The following IHO1 variants were observed in gnomAD, a reference collection of about 807,000 sequenced individuals.
The protein encoded by IHO1 is interactor of HORMAD1 protein 1.
IHO1 carries 13 observed loss-of-function variants against 31.0 expected under a neutral mutation model. That is an observed-to-expected ratio of 0.42 (90% CI 0.27 to 0.67). IHO1 has a LOEUF of 0.67. IHO1 is among the 30% of genes least tolerant of loss of function. The pLI is 0.24. For synonymous variants in IHO1, 221 were observed against 248.4 expected, an observed-to-expected ratio of 0.89 and a Z score of 1.04; for missense variants, 599 against 687.5, an observed-to-expected ratio of 0.87 and a Z score of 1.44.
intron 7 of IHO1, 124 bp downstream of exon 7, chr3:49,255,617 T>C: frequency 1.8e-6 from 1 of 551,746 alleles, no homozygotes; most frequent in Non-Finnish European, 3.1e-6. Context: ...TGGTGCAATC[T>C]CAGTTCACTG....
At chr3:49,222,517 G>A (rs148494063) in intron 2 of IHO1, among the ~76,000 whole-genome samples, 54 of 152,190 alleles carry the variant, frequency 3.5e-4, no homozygotes, top group Non-Finnish European at 5.6e-4. Flanking sequence ...TAGAAAAAAG[G>A]TTGATGTGAT....
At chr3:49,241,629 A>ATT (rs5848865) in intron 4 of IHO1, among the ~76,000 whole-genome samples, 16 of 146,974 alleles carry the variant, frequency 1.1e-4, no homozygotes, top group Non-Finnish European at 1.5e-4. Flanking sequence ...TTATAGATTG[A>ATT]TTTTTTTTTT....
upstream of IHO1, among the ~76,000 whole-genome samples, chr3:49,195,176 T>C (rs1188755632): frequency 2.0e-5 from 3 of 152,144 alleles, no homozygotes; most frequent in Non-Finnish European, 4.4e-5. Flanking sequence ...TCCCAGCACT[T>C]TGGGAGGCCG....
chr3:49,238,936 A>G (rs2046592510), intron 3 of IHO1, among the ~76,000 whole-genome samples: 1 of 152,156 alleles, frequency 6.6e-6, no homozygotes, highest in Non-Finnish European at 1.5e-5. Context: ...AGTGTTATCA[A>G]AGCCCTGCCA....
intron 1 of IHO1, among the ~76,000 whole-genome samples, chr3:49,209,211 G>A (rs533058925): frequency 6.6e-6 from 1 of 152,130 alleles, no homozygotes; most frequent in Non-Finnish European, 1.5e-5. Context: ...CAACATTAAG[G>A]GGGGAGTTTG....
At chr3:49,214,632 A>ATTTTTTTTT (rs3083884) in intron 2 of IHO1, among the ~76,000 whole-genome samples, 7 of 5,190 alleles carry the variant, frequency 1.3e-3, no homozygotes, top group Non-Finnish European at 1.6e-3. Context: ...ATATATATAT[A>ATTTTTTTTT]TTTTTTTTTT....
upstream of IHO1, among the ~76,000 whole-genome samples, chr3:49,194,203 G>A (rs181849216): frequency 1.3e-4 from 20 of 149,330 alleles, no homozygotes; most frequent in Admixed American, 1.3e-3. Flanking sequence ...AGGAGGCAGA[G>A]GTTGCAGTGA....
intron 2 of IHO1, among the ~76,000 whole-genome samples, chr3:49,224,192 C>T (rs976589628): frequency 1.3e-5 from 2 of 152,330 alleles, no homozygotes; most frequent in Admixed American, 1.3e-4. Flanking sequence ...CCATGAAAGT[C>T]CCCATTCTGT....
At chr3:49,255,295 T>C in intron 6 of IHO1, 95 bp from the exon 7 acceptor site, 1 of 810,674 alleles carries the variant, frequency 1.2e-6, no homozygotes, top group South Asian at 1.8e-5. Flanking sequence ...TGCATCCAGC[T>C]CCTCCCTTTT....
At chr3:49,253,828 C>CT (rs139087366) in intron 6 of IHO1, among the ~76,000 whole-genome samples, 1,540 of 72,106 alleles carry the variant, frequency 0.021, 41 homozygotes, top group Middle Eastern at 0.071. Context: ...CTTTATTTGT[C>CT]TTTTTTTTTT....
At chr3:49,239,719 A>G (rs973188281) in intron 3 of IHO1, among the ~76,000 whole-genome samples, 1 of 145,144 alleles carries the variant, frequency 6.9e-6, no homozygotes, top group African/African-American at 2.6e-5. Flanking sequence ...CTGGAGTGCA[A>G]TGGTACGATC....
chr3:49,206,134 T>G (rs1384237846), intron 1 of IHO1, among the ~76,000 whole-genome samples: 2 of 152,124 alleles, frequency 1.3e-5, no homozygotes, highest in Non-Finnish European at 2.9e-5. Context: ...TGGCTAATTT[T>G]TTTGTATTTT....
At chr3:49,235,293 T>C (rs113186424) in intron 2 of IHO1, among the ~76,000 whole-genome samples, 16,536 of 149,790 alleles carry the variant, frequency 0.11, 1,015 homozygotes, top group African/African-American at 0.14. Flanking sequence ...GTGGTGCAAA[T>C]TTGGCTGACT....
chr3:49,212,201 T>C (rs1030097346), intron 2 of IHO1, among the ~76,000 whole-genome samples: 1 of 146,732 alleles, frequency 6.8e-6, no homozygotes, highest in Admixed American at 6.9e-5. Context: ...CCAGTTTCAT[T>C]GATTTCATAG....
intron 4 of IHO1, among the ~76,000 whole-genome samples, chr3:49,241,879 C>A (rs1356430400): frequency 6.6e-6 from 1 of 151,744 alleles, no homozygotes; most frequent in Non-Finnish European, 1.5e-5. Flanking sequence ...TCTCAGCCTC[C>A]CAAAATGCTG....
rs921604966 is a variant in IHO1 at position 49,240,385 on chromosome 3, G to A, written c.232-841G>A. ...ATTACAGGCGCCTGCCAGCATGCCC[G>A]GCTAATTTTTTGTATTTTAGTAGAG... On this transcript the variant is annotated intron_variant, in intron 3 of 7. Coordinates refer to ENST00000452691, the MANE Select transcript of IHO1 (RefSeq NM_001135197.2). 2.6e-5 allele frequency among the ~76,000 whole-genome samples: 4 copies of A among 152,080 alleles called. No individual in the cohort carries two copies. In the East Asian group the frequency reaches 5.8e-4, roughly 22 times the overall value.
intron 2 of IHO1, among the ~76,000 whole-genome samples, chr3:49,234,162 G>GTTTTTTTTTTTTTTTTT (rs56802492): frequency 2.6e-4 from 24 of 91,910 alleles, no homozygotes; most frequent in East Asian, 7.6e-4. Context: ...TTTTGTTGTT[G>GTTTTTTTTTTTTTTTTT]TTTTTTTTTT....
chr3:49,200,475 A>AGAAAGAAAGAAAGAAAGAAAG (rs1553615441), intron 1 of IHO1: 1 of 103,868 alleles, frequency 9.6e-6, no homozygotes, highest in Admixed American at 2.5e-4. Flanking sequence ...AAAAAAAAAA[A>AGAAAGAAAGAAAGAAAGAAAG]AAAGAAAGAA....
chr3:49,194,292 G>GTATATATATATATATATATATATATATA (rs141683116), upstream of IHO1, among the ~76,000 whole-genome samples: 7 of 120,176 alleles, frequency 5.8e-5, no homozygotes, highest in African/African-American at 1.3e-4. Context: ...AGTACAAAGT[G>GTATATATATATATATATATATATATATA]TATATATATA....
Sources: gnomAD v4.1 joint callset for allele counts (sites outside exome capture counted in the v4.1 genomes callset) on GRCh38, gnomAD v4.1.1 for gene constraint, MANE v1.5 for transcripts, NCBI Gene and HGNC (gene_info 2026-07-23, HGNC 2026-07-21) for gene names.